Variants in SH3KBP1 observed in about 807,000 individuals in gnomAD.
The protein encoded by SH3KBP1 is SH3 domain-containing kinase-binding protein 1.
A neutral mutation model predicts 50.1 loss-of-function variants in SH3KBP1; 8 were observed. The observed-to-expected ratio is 0.16, with a 90% CI of 0.09 to 0.29. SH3KBP1 has a LOEUF of 0.29. Ranked by LOEUF, SH3KBP1 falls within the 10% of genes least tolerant of loss-of-function variation. The pLI is 1.00. For missense variants in SH3KBP1, 377 were observed against 535.2 expected (o/e 0.70, Z 2.92); for synonymous variants, 227 against 218.6 (o/e 1.04, Z -0.34).
intron 13 of SH3KBP1, among the ~76,000 whole-genome samples, chrX:19,556,284 CCCTA>C (rs1347989113): frequency 9.1e-6 from 1 of 110,186 alleles, no homozygotes; most frequent in Admixed American, 9.7e-5. Flanking sequence ...ATCCCCCCTC[CCCTA>C]CCTTTTTTTT....
chrX:19,638,048 G>C lies in SH3KBP1; in HGVS notation c.803-6090C>G, dbSNP rs2061751084. ...GCCGAGATTGCACCACTGCACTCCA[G>C]CCTAGGCGACACAGCAAAATTCCAT... is the stretch of plus-strand genomic sequence containing the variant. On this transcript the variant is annotated intron_variant, in intron 7 of 17. Coordinates refer to ENST00000397821, the MANE Select transcript of SH3KBP1 (RefSeq NM_031892.3). 2.8e-5 allele frequency among the ~76,000 whole-genome samples: 3 copies of C among 108,272 alleles called. No individual in the cohort carries two copies. The South Asian group carries it at 1.2e-3, about 44-fold the overall frequency. The allele number at this position is 108,272 out of a possible 115,157, so 94.0% of individuals were successfully genotyped here.
intron 3 of SH3KBP1, among the ~76,000 whole-genome samples, chrX:19,724,485 C>T: frequency 8.9e-6 from 1 of 112,305 alleles, no homozygotes; most frequent in Non-Finnish European, 1.9e-5. Flanking sequence ...GATCAGCAAA[C>T]TATTACTGTA....
At chrX:19,826,675 A>G (rs868239297) in intron 2 of SH3KBP1, among the ~76,000 whole-genome samples, 3 of 105,322 alleles carry the variant, frequency 2.8e-5, no homozygotes, top group Non-Finnish European at 3.9e-5. Flanking sequence ...GGAAGGAGAC[A>G]CTGTCTCTAA....
chrX:19,841,158 G>A (rs1422475188), intron 1 of SH3KBP1, among the ~76,000 whole-genome samples: 2 of 111,420 alleles, frequency 1.8e-5, no homozygotes, highest in Non-Finnish European at 1.9e-5. Context: ...TATGGCGGTG[G>A]TGGTGGCGGT....
chrX:19,644,698 G>T (rs919208846), intron 7 of SH3KBP1, among the ~76,000 whole-genome samples: 1 of 111,753 alleles, frequency 8.9e-6, no homozygotes. Flanking sequence ...ATAATTTTAC[G>T]TAGATAACAT....
intron 3 of SH3KBP1, among the ~76,000 whole-genome samples, chrX:19,707,793 C>T (rs1243223406): frequency 9.0e-6 from 1 of 111,300 alleles, no homozygotes; most frequent in Non-Finnish European, 1.9e-5. Flanking sequence ...CACAGATGTG[C>T]ACTATGTGGA....
intron 2 of SH3KBP1, among the ~76,000 whole-genome samples, chrX:19,797,383 C>T: frequency 8.9e-6 from 1 of 111,797 alleles, no homozygotes; most frequent in East Asian, 2.8e-4. Context: ...GACGCAGAGA[C>T]AGTGCTGGGA....
chrX:19,661,865 G>A (rs1428603990), intron 6 of SH3KBP1, among the ~76,000 whole-genome samples: 1 of 111,220 alleles, frequency 9.0e-6, no homozygotes, highest in African/African-American at 3.3e-5. Flanking sequence ...GACCTCAGGT[G>A]ATCGACCTGC....
Position 19,856,120 on chromosome X carries a change from TA to T in SH3KBP1, c.5-19839del, listed in dbSNP as rs1291818949. On this transcript the variant is annotated intron_variant, in intron 1 of 17. Transcript: ENST00000397821. ...TTTGCACAGGTAAAAGGAAAGCTTTTAAAAAAAAAAAGGAGAGGAAATCTAT... is the reference window on the plus strand; with the variant it reads ...TTTGCACAGGTAAAAGGAAAGCTTTTAAAAAAAAAAGGAGAGGAAATCTAT... 3.2e-4 allele frequency among the ~76,000 whole-genome samples: 33 copies of T among 103,248 alleles called. 1 individual carries two copies. The highest frequency in any genetic ancestry group is 6.3e-4 in the African/African-American group (18 of 28,511). 89.7% of individuals were successfully genotyped at this position (103,248 alleles called of 115,157 possible). A position where few individuals can be genotyped will look rare whatever the true frequency, so the allele number is the denominator to read the frequency against.
chrX:19,712,011 CAGGTG>C (rs1320190635), intron 3 of SH3KBP1, among the ~76,000 whole-genome samples: 2 of 111,792 alleles, frequency 1.8e-5, no homozygotes, highest in African/African-American at 6.5e-5. Context: ...CCACAAATAA[CAGGTG>C]ATTAAAAGAA....
At chrX:19,770,635 T>C (rs1811428481) in intron 2 of SH3KBP1, among the ~76,000 whole-genome samples, 1 of 111,653 alleles carries the variant, frequency 9.0e-6, no homozygotes, top group African/African-American at 3.3e-5. Context: ...TCCACAGTGG[T>C]TGAACTAATT....
intron 1 of SH3KBP1, among the ~76,000 whole-genome samples, chrX:19,873,455 G>A (rs1186995459): frequency 3.7e-5 from 4 of 106,769 alleles, no homozygotes; most frequent in South Asian, 4.1e-4. Flanking sequence ...TGGATCACCC[G>A]AGGTCAGGAG....
At chrX:19,670,094 A>T (rs2148530379) in intron 6 of SH3KBP1, among the ~76,000 whole-genome samples, 1 of 111,339 alleles carries the variant, frequency 9.0e-6, no homozygotes, top group African/African-American at 3.3e-5. Flanking sequence ...GGAAAATGAC[A>T]GACTTCTGCT....
At chrX:19,543,756 G>A (rs889274354) in intron 15 of SH3KBP1, among the ~76,000 whole-genome samples, 2 of 111,410 alleles carry the variant, frequency 1.8e-5, no homozygotes, top group Non-Finnish European at 3.8e-5. Context: ...GCTGAAGGTG[G>A]AGGAGACTGG....
chrX:19,699,944 T>C (rs966399043), intron 4 of SH3KBP1, among the ~76,000 whole-genome samples: 3 of 111,683 alleles, frequency 2.7e-5, no homozygotes, highest in African/African-American at 9.8e-5. Context: ...ATGGAGGCTT[T>C]ATCAGGTCTA....
chrX:19,764,986 CTTTTTTTT>C (rs34368819), intron 2 of SH3KBP1, among the ~76,000 whole-genome samples: 11 of 44,561 alleles, frequency 2.5e-4, no homozygotes, highest in African/African-American at 5.7e-4. Flanking sequence ...TTTTGCAGTT[CTTTTTTTT>C]TTTTTTTTTT....
At chrX:19,687,677 C>G in intron 5 of SH3KBP1, 3 of 1,205,265 alleles carry the variant, frequency 2.5e-6, no homozygotes, top group Non-Finnish European at 2.2e-6. Flanking sequence ...ATTGTCCCTT[C>G]AAAGGTAGTC....
intron 1 of SH3KBP1, among the ~76,000 whole-genome samples, chrX:19,884,597 C>T (rs1014836608): frequency 8.9e-6 from 1 of 112,300 alleles, no homozygotes; most frequent in African/African-American, 3.2e-5. Flanking sequence ...CAGACCAACA[C>T]ATTATGTTCA....
intron 10 of SH3KBP1, among the ~76,000 whole-genome samples, chrX:19,594,267 T>C (rs2066831114): frequency 8.9e-6 from 1 of 111,960 alleles, no homozygotes; most frequent in East Asian, 2.8e-4. Context: ...AGAGGAGTTC[T>C]ACCGGGAAAT....
Sources: gnomAD v4.1 joint callset for allele counts (sites outside exome capture counted in the v4.1 genomes callset) on GRCh38, gnomAD v4.1.1 for gene constraint, MANE v1.5 for transcripts, NCBI Gene and HGNC (gene_info 2026-07-23, HGNC 2026-07-21) for gene names.